The following MSRA variants were observed in gnomAD, a reference collection of about 807,000 sequenced individuals.
MSRA encodes methionine sulfoxide reductase A, also known as mitochondrial peptide methionine sulfoxide reductase.
A neutral mutation model predicts 31.3 loss-of-function variants in MSRA; 54 were observed. The observed-to-expected ratio is 1.73, with a 90% CI of 1.39 to 2.17. The LOEUF (loss-of-function observed/expected upper bound fraction) is 2.17, where lower values mean the gene tolerates loss of function less well. Ranked by LOEUF, MSRA falls within the 30% of genes most tolerant of loss-of-function variation. The pLI is 0.00. For missense variants in MSRA, 507 were observed against 300.9 expected, an observed-to-expected ratio of 1.69 and a Z score of -5.07; for synonymous variants, 169 against 116.5, an observed-to-expected ratio of 1.45 and a Z score of -2.90.
rs559452924 is a variant in MSRA at position 10,219,679 on chromosome 8, G to A, written c.211+11778G>A. 7.0e-3 allele frequency among the ~76,000 whole-genome samples: 1,063 copies of A among 151,574 alleles called. 15 individuals carry two copies. The highest frequency in any genetic ancestry group is 0.024 in the African/African-American group (989 of 41,294). ...AAATTAGCTGGGCGTGGCGGCGGAC[G>A]CCTGTAGTCCCAGCTACTTGGGAGG... On this transcript the variant is annotated intron_variant, in intron 2 of 5. Transcript: ENST00000317173.
intron 2 of MSRA, among the ~76,000 whole-genome samples, chr8:10,220,887 CT>C (rs1810436550): frequency 6.6e-6 from 1 of 152,184 alleles, no homozygotes; most frequent in African/African-American, 2.4e-5. Flanking sequence ...GGAGGGTCGT[CT>C]GGGGAATTTC....
intron 1 of MSRA, among the ~76,000 whole-genome samples, chr8:10,138,333 C>T (rs1398408536): frequency 6.6e-6 from 1 of 152,058 alleles, no homozygotes; most frequent in Non-Finnish European, 1.5e-5. Context: ...GGTGTGGGAG[C>T]CGCGGGACAC....
chr8:10,120,637 A>C (rs949697212), intron 1 of MSRA, among the ~76,000 whole-genome samples: 1 of 152,262 alleles, frequency 6.6e-6, no homozygotes, highest in African/African-American at 2.4e-5. Context: ...CAGGATACCC[A>C]GATGAGAAGG....
intron 5 of MSRA, among the ~76,000 whole-genome samples, chr8:10,413,836 C>A (rs1332132946): frequency 6.6e-6 from 1 of 152,046 alleles, no homozygotes; most frequent in Non-Finnish European, 1.5e-5. Flanking sequence ...GTTACATAAC[C>A]TTGAAAATAT....
chr8:10,149,354 C>A (rs4841286), intron 1 of MSRA, among the ~76,000 whole-genome samples: 1 of 151,844 alleles, frequency 6.6e-6, no homozygotes, highest in Non-Finnish European at 1.5e-5. Context: ...AACTCCGCGA[C>A]CTCAGGTGAT....
At chr8:10,111,684 G>T (rs1400771226) in intron 1 of MSRA, among the ~76,000 whole-genome samples, 1 of 152,188 alleles carries the variant, frequency 6.6e-6, no homozygotes, top group East Asian at 1.9e-4. Context: ...TCATGTTATT[G>T]GGCTAGTATT....
chr8:10,307,830 G>A (rs1217437536), intron 4 of MSRA, among the ~76,000 whole-genome samples: 1 of 152,182 alleles, frequency 6.6e-6, no homozygotes. Context: ...TCCCCCACCT[G>A]TGTAGTTTAA....
intron 3 of MSRA, among the ~76,000 whole-genome samples, chr8:10,256,589 T>C (rs1217641878): frequency 6.6e-6 from 1 of 152,138 alleles, no homozygotes; most frequent in Non-Finnish European, 1.5e-5. Context: ...CACTTAACAT[T>C]GAAACTTACT....
intron 5 of MSRA, among the ~76,000 whole-genome samples, chr8:10,382,855 C>A (rs563433789): frequency 1.3e-5 from 2 of 152,216 alleles, no homozygotes; most frequent in African/African-American, 4.8e-5. Context: ...CTGCCCCTGA[C>A]GGTTCCTGGT....
intron 1 of MSRA, among the ~76,000 whole-genome samples, chr8:10,065,282 C>T (rs1401042962): frequency 3.9e-5 from 6 of 151,950 alleles, no homozygotes; most frequent in African/African-American, 1.2e-4. Context: ...ATGCAGGTTG[C>T]TGGGAAAGCA....
At chr8:10,172,056 C>G (rs576402963) in intron 1 of MSRA, among the ~76,000 whole-genome samples, 2 of 152,336 alleles carry the variant, frequency 1.3e-5, no homozygotes, top group South Asian at 4.1e-4. Flanking sequence ...AATATACTCA[C>G]TCCCAGATTT....
intron 1 of MSRA, among the ~76,000 whole-genome samples, chr8:10,071,133 A>G (rs1300719708): frequency 6.6e-6 from 1 of 152,212 alleles, no homozygotes; most frequent in Non-Finnish European, 1.5e-5. Context: ...CATATGAAGG[A>G]TCTGATTTCT....
At chr8:10,370,051 A>G (rs1192574311) in intron 5 of MSRA, among the ~76,000 whole-genome samples, 2 of 152,258 alleles carry the variant, frequency 1.3e-5, no homozygotes, top group Admixed American at 1.3e-4. Flanking sequence ...TGTTGCCTTT[A>G]TAAACTTTTG....
At chr8:10,236,772 C>G (rs1811980261) in intron 2 of MSRA, among the ~76,000 whole-genome samples, 1 of 152,158 alleles carries the variant, frequency 6.6e-6, no homozygotes, top group Non-Finnish European at 1.5e-5. Context: ...TCTTGAACTC[C>G]TGACATCAGG....
intron 1 of MSRA, among the ~76,000 whole-genome samples, chr8:10,092,149 T>G (rs1798891201): frequency 6.6e-6 from 1 of 152,228 alleles, no homozygotes; most frequent in South Asian, 2.1e-4. Context: ...TTCATTTATT[T>G]CCACTCTAGT....
chr8:10,385,569 T>C (rs900610609), intron 5 of MSRA, among the ~76,000 whole-genome samples: 6 of 152,068 alleles, frequency 3.9e-5, no homozygotes, highest in African/African-American at 1.4e-4. Context: ...ATCAGGTCTG[T>C]GGTCTTAAAA....
At position 10,066,138 on chromosome 8, in the gene MSRA, C is replaced by G. The variant is rs181770022; in HGVS notation, c.142+11480C>G. ...CCCGGATTCAAGCGATTCTCCATAC[C>G]TCAGCCTCTTGAGTAGCTGGGATTA... is the stretch of plus-strand genomic sequence containing the variant. On this transcript the variant is annotated intron_variant, in intron 1 of 5. Coordinates refer to ENST00000317173, the MANE Select transcript of MSRA (RefSeq NM_012331.5). Among the ~76,000 whole-genome samples, 33 of 152,212 alleles carry G rather than the reference C, an allele frequency of 2.2e-4. No homozygotes were observed. The East Asian group carries it at 5.6e-3, about 26-fold the overall frequency.
Position 10,301,561 on chromosome 8 carries a change from G to A in MSRA, c.359G>A (p.Arg120Gln), listed in dbSNP as rs183626962. 77 of 1,613,952 alleles carry A rather than the reference G, an allele frequency of 4.8e-5. No individual in the cohort carries two copies. In the Middle Eastern group the frequency reaches 4.9e-4, roughly 10 times the overall value. The change falls in exon 4 of 6, where the codon CGA becomes CAA. Residue 120 changes from arginine (R) to glutamine (Q), a missense_variant. Transcript: ENST00000317173. ...SEKTGHAEVV[R>Q]VVYQPEHMSF... is the part of the protein sequence containing the mutation. Reference sequence around the variant, plus strand: ...AAAACTGGCCATGCAGAAGTCGTCCGAGTGGTGTACCAGCCAGAACACATG... The same window carrying A: ...AAAACTGGCCATGCAGAAGTCGTCCAAGTGGTGTACCAGCCAGAACACATG...
chr8:10,295,219 C>T (rs1362130961), intron 3 of MSRA, among the ~76,000 whole-genome samples: 2 of 152,112 alleles, frequency 1.3e-5, no homozygotes, highest in African/African-American at 2.4e-5. Flanking sequence ...CTCAGGGACG[C>T]CTGCTCCTCA....
Sources: allele counts gnomAD v4.1 joint callset (sites outside exome capture counted in the v4.1 genomes callset), GRCh38; gene constraint gnomAD v4.1.1; transcripts MANE v1.5; gene names NCBI Gene and HGNC (gene_info 2026-07-23, HGNC 2026-07-21).